SCN9A: variants seen among roughly 807,000 people sequenced by gnomAD.
SCN9A encodes the protein sodium channel protein type 9 subunit alpha.
Under a neutral mutation model 187.0 loss-of-function variants are expected in SCN9A, and 131 were observed. The ratio of observed to expected loss-of-function variants is 0.70; its 90% CI spans 0.61 to 0.81. SCN9A has a LOEUF of 0.81. Ranked by LOEUF, SCN9A falls within the 30% of genes least tolerant of loss-of-function variation. The pLI is 0.00. For synonymous variants in SCN9A, 809 were observed against 808.6 expected, an observed-to-expected ratio of 1.00 and a Z score of -0.01; for missense variants, 2,252 against 2,396.6, an observed-to-expected ratio of 0.94 and a Z score of 1.26.
chr2:166,242,444 C>A, intron 19 of SCN9A, 58 bp downstream of exon 19: 1 of 1,340,554 alleles, frequency 7.5e-7, no homozygotes. Flanking sequence ...TATCTTTTAG[C>A]TCATTTTAAA....
At chr2:166,274,278 A>G (rs1282071621) in intron 16 of SCN9A, among the ~76,000 whole-genome samples, 1 of 152,158 alleles carries the variant, frequency 6.6e-6, no homozygotes. Context: ...TCACAAATCA[A>G]AATAAAGTCC....
rs1469996164 is a variant in SCN9A, at chr2:166,197,101, TG to T, written c.*1570del. The T allele has an allele frequency of 3.3e-5, 5 of 152,092 alleles. No individual in the cohort carries two copies. The highest frequency in any genetic ancestry group is 2.6e-4 in the Admixed American group (4 of 15,274). The allele number at this position is 152,092 out of a possible 1,614,324, so 9.4% of individuals were successfully genotyped here. On this transcript the variant is annotated 3_prime_UTR_variant, in exon 27 of 27. Coordinates refer to ENST00000642356, the MANE Select transcript of SCN9A (RefSeq NM_001365536.1). Reference sequence around the variant, plus strand: ...ATATGGAAAGCAAATTAGTGAAAGTTGTTTTATATATTTGCTTCAAAACCTC... The same window carrying T: ...ATATGGAAAGCAAATTAGTGAAAGTTTTTTATATATTTGCTTCAAAACCTC...
intron 21 of SCN9A, among the ~76,000 whole-genome samples, chr2:166,230,104 A>G (rs1695017334): frequency 6.6e-6 from 1 of 152,120 alleles, no homozygotes; most frequent in African/African-American, 2.4e-5. Flanking sequence ...TGTGGGTTAT[A>G]TCTCCGTTGC....
At chr2:166,299,843 G>A (rs1698477376) in intron 7 of SCN9A, among the ~76,000 whole-genome samples, 1 of 150,642 alleles carries the variant, frequency 6.6e-6, no homozygotes, top group Admixed American at 6.6e-5. Context: ...AGCTAATAGT[G>A]ACCTTCCTCT....
chr2:166,352,708 T>C (rs6750593), intron 1 of SCN9A, among the ~76,000 whole-genome samples: 103,396 of 152,048 alleles, frequency 0.68, 35,842 homozygotes, highest in African/African-American at 0.82. Flanking sequence ...ATACTTTTCC[T>C]ACACACAGCA....
At chr2:166,290,929 C>T (rs139907852) in intron 9 of SCN9A, among the ~76,000 whole-genome samples, 6,575 of 152,188 alleles carry the variant, frequency 0.043, 435 homozygotes, top group African/African-American at 0.14. Context: ...TGGAACATAT[C>T]TCAAAATAAT....
chr2:166,227,577 C>T, intron 23 of SCN9A, 93 bp downstream of exon 23: 1 of 778,198 alleles, frequency 1.3e-6, no homozygotes, highest in Non-Finnish European at 2.2e-6. Flanking sequence ...ATGTGAGTCC[C>T]AAGGGCTTCA....
chr2:166,284,870 T>C, intron 11 of SCN9A, 46 bp from the exon 12 acceptor site: 1 of 1,519,614 alleles, frequency 6.6e-7, no homozygotes, highest in Non-Finnish European at 8.8e-7. Flanking sequence ...CACCTACTGA[T>C]AGAAGTACAC....
intron 9 of SCN9A, among the ~76,000 whole-genome samples, chr2:166,290,715 T>C (rs1299747893): frequency 6.6e-6 from 1 of 152,196 alleles, no homozygotes; most frequent in Non-Finnish European, 1.5e-5. Flanking sequence ...ATGTCTTCTT[T>C]TGAGAAGTCT....
At chr2:166,299,202 C>T (rs1031543509) in intron 7 of SCN9A, among the ~76,000 whole-genome samples, 1 of 143,510 alleles carries the variant, frequency 7.0e-6, no homozygotes, top group Admixed American at 6.8e-5. Flanking sequence ...ATACAAAAAC[C>T]CATATATTTT....
chr2:166,375,397 G>A (rs1700664359), intron 1 of SCN9A, among the ~76,000 whole-genome samples: 1 of 152,128 alleles, frequency 6.6e-6, no homozygotes, highest in Non-Finnish European at 1.5e-5. Context: ...TAAACCACCA[G>A]GCATTGCTAC....
chr2:166,342,218 A>G (rs1699803301), intron 1 of SCN9A, among the ~76,000 whole-genome samples: 1 of 152,194 alleles, frequency 6.6e-6, no homozygotes, highest in African/African-American at 2.4e-5. Context: ...TTACTTTAAA[A>G]TCGTTTAGAA....
chr2:166,307,658 CTTAAA>C (rs1255041542), intron 2 of SCN9A, among the ~76,000 whole-genome samples: 3 of 152,208 alleles, frequency 2.0e-5, no homozygotes, highest in African/African-American at 4.8e-5. Context: ...TTAAAAGGGA[CTTAAA>C]TTAAGAGGAT....
chr2:166,371,429 C>T (rs966001621), intron 1 of SCN9A, among the ~76,000 whole-genome samples: 1 of 152,120 alleles, frequency 6.6e-6, no homozygotes, highest in Non-Finnish European at 1.5e-5. Flanking sequence ...TTCATTCCAC[C>T]TTTAGCTGCC....
intron 17 of SCN9A, among the ~76,000 whole-genome samples, chr2:166,268,026 G>A (rs1482053468): frequency 2.0e-5 from 3 of 151,896 alleles, no homozygotes; most frequent in Non-Finnish European, 2.9e-5. Flanking sequence ...TCTTCATCAC[G>A]CTATCTCTTT....
chr2:166,308,972 A>G (rs963863104), intron 2 of SCN9A, among the ~76,000 whole-genome samples: 4 of 151,650 alleles, frequency 2.6e-5, no homozygotes, highest in African/African-American at 9.7e-5. Flanking sequence ...GTCAGAAACT[A>G]TATCATAACA....
intron 2 of SCN9A, among the ~76,000 whole-genome samples, chr2:166,308,660 C>T (rs906372533): frequency 6.6e-6 from 1 of 152,082 alleles, no homozygotes; most frequent in Non-Finnish European, 1.5e-5. Flanking sequence ...TGGTGGCTCA[C>T]GCCTGTGTTC....
intron 7 of SCN9A, among the ~76,000 whole-genome samples, chr2:166,296,754 A>G (rs541611299): frequency 6.6e-6 from 1 of 152,304 alleles, no homozygotes; most frequent in African/African-American, 2.4e-5. Flanking sequence ...CTTTACAATA[A>G]TTTCTAAACA....
intron 1 of SCN9A, among the ~76,000 whole-genome samples, chr2:166,366,357 CT>C (rs1049852841): frequency 6.6e-6 from 1 of 152,108 alleles, no homozygotes; most frequent in Non-Finnish European, 1.5e-5. Context: ...AGATTTCCTT[CT>C]TTTTTTAAGG....
Sources: gnomAD v4.1 joint callset for allele counts (sites outside exome capture counted in the v4.1 genomes callset) on GRCh38, gnomAD v4.1.1 for gene constraint, MANE v1.5 for transcripts, NCBI Gene and HGNC (gene_info 2026-07-23, HGNC 2026-07-21) for gene names.